The following COQ6 variants were observed in gnomAD, a reference collection of about 807,000 sequenced individuals.
COQ6 encodes the protein coenzyme Q6, monooxygenase, also known as ubiquinone biosynthesis monooxygenase COQ6, mitochondrial.
COQ6 carries 45 observed loss-of-function variants against 55.5 expected under a neutral mutation model. The observed-to-expected ratio is 0.81, with a 90% CI of 0.64 to 1.04. The LOEUF (loss-of-function observed/expected upper bound fraction) is 1.04. Ranked by LOEUF, COQ6 falls within the 50% of genes least tolerant of loss-of-function variation. COQ6 has a pLI of 0.00. For synonymous variants in COQ6, 206 were observed against 230.5 expected (o/e 0.89, Z 0.96); for missense variants, 550 against 601.3 (o/e 0.91, Z 0.89).
chr14:73,962,879 G>A (rs886524546), intron 11 of COQ6, 91 bp from the exon 12 acceptor site: 2 of 1,094,764 alleles, frequency 1.8e-6, no homozygotes, highest in African/African-American at 1.6e-5. Flanking sequence ...AAGGACACTT[G>A]GGAAGAATAC....
chr14:73,961,203 G>A lies in COQ6; in HGVS notation c.922G>A (p.Asp308Asn), dbSNP rs760972463. The change falls in exon 9 of 12, where the codon GAC becomes AAC. Residue 308 changes from aspartate to asparagine, a missense_variant. Asp to Asn is a conservative substitution (Grantham distance 23). Transcript: ENST00000334571. ...TGATGCTGACCACACGGACTTCATC[G>A]ACACAGCTGGTGCCATGCTGCAGTA... ...WSDADHTDFI[D>N]TAGAMLQYAV... 7 of 1,613,910 alleles carry A rather than the reference G, an allele frequency of 4.3e-6. No individual in the cohort carries two copies. The highest frequency in any genetic ancestry group is 2.7e-5 in the African/African-American group (2 of 75,032).
intron 11 of COQ6, 73 bp from the exon 12 acceptor site, chr14:73,962,897 A>G: frequency 1.6e-6 from 2 of 1,271,574 alleles, no homozygotes; most frequent in Non-Finnish European, 2.3e-6. Flanking sequence ...TACCTACGTG[A>G]TTATTATCTA....
In COQ6 at chr14:73,950,502, C is replaced by G. The variant is rs775716818; in HGVS notation, c.163+7C>G. 1 of 1,601,320 alleles carries G rather than the reference C, an allele frequency of 6.2e-7. No homozygotes were observed. Among genetic ancestry groups the G allele is most frequent in the South Asian group, 1.1e-5 (1 of 89,066 alleles). ...GCCATGGCCTGTGCCTTGGGTAAGC[C>G]CTTCTCCAGGCTACTAGTGGCCGGA... On this transcript the variant is annotated splice_region_variant and intron_variant, in intron 1 of 11. Coordinates refer to ENST00000334571, the MANE Select transcript of COQ6 (RefSeq NM_182476.3).
chr14:73,953,744 G>T (rs918357872), intron 2 of COQ6, 175 bp downstream of exon 2: 8 of 768,550 alleles, frequency 1.0e-5, no homozygotes, highest in Non-Finnish European at 1.8e-5. Context: ...GACCCCTGCA[G>T]TTGCTACTGC....
At chr14:73,956,054 G>C (rs567228483) in intron 4 of COQ6, 126 bp downstream of exon 4, 1 of 1,407,700 alleles carries the variant, frequency 7.1e-7, no homozygotes, top group African/African-American at 1.4e-5. Context: ...GCCGGGTGCG[G>C]TGGCTCACGC....
intron 8 of COQ6, chr14:73,960,859 T>C: frequency 2.2e-6 from 1 of 445,118 alleles, no homozygotes; most frequent in Middle Eastern, 7.1e-4. Flanking sequence ...AGGAGAGTCA[T>C]GGAGGTAGAA....
At position 73,961,184 on chromosome 14, in the gene COQ6, T is replaced by C. The variant is rs573471812; in HGVS notation, c.903T>C (p.Ala301=). 2 of 1,613,814 alleles carry C rather than the reference T, an allele frequency of 1.2e-6. No homozygotes were observed. Among genetic ancestry groups the C allele is most frequent in the Admixed American group, 3.3e-5 (2 of 59,948 alleles). Residue 301 remains alanine, a synonymous_variant, in exon 9 of 12, where the codon GCT becomes GCC. Coordinates refer to ENST00000334571, the MANE Select transcript of COQ6 (RefSeq NM_182476.3). The part of the protein sequence containing the change: ...DAVNSAFWSD[A]DHTDFIDTAG... ...CTGATGCTGCTCAGTGGAGTGATGC[T>C]GACCACACGGACTTCATCGACACAG...
At position 73,959,485 on chromosome 14, in the gene COQ6, A is replaced by G. The variant is rs746328626; in HGVS notation, c.854A>G (p.Asp285Gly). Residue 285 changes from aspartate to glycine, a missense_variant, in exon 8 of 12, where the codon GAT becomes GGT. Physicochemically the swap from Asp to Gly is moderately conservative, Grantham distance 94. Coordinates refer to ENST00000334571, the MANE Select transcript of COQ6 (RefSeq NM_182476.3). ...CATGCAGCAGAGCTAGTTAGCATGG[A>G]TGAGGAAAAATTTGTGGATGCCGTT... ...HEHAAELVSMDEEKFVDAVNS... is the reference protein window; with the variant it reads ...HEHAAELVSMGEEKFVDAVNS... 13 of 1,614,068 alleles carry G rather than the reference A, an allele frequency of 8.1e-6. No individual in the cohort carries two copies. Among genetic ancestry groups the G allele is most frequent in the Non-Finnish European group, 1.1e-5 (13 of 1,180,040 alleles).
rs774937005 is a variant in COQ6 at position 73,958,379 on chromosome 14, G to A, written c.612+102G>A. On this transcript the variant is annotated intron_variant, in intron 5 of 11. Transcript: ENST00000334571. Reference sequence around the variant, plus strand: ...GATTTAAGCTATAGTTTAATTTTAGGCAAAACTTTTGGTTATGAGGACCAG... The same window carrying A: ...GATTTAAGCTATAGTTTAATTTTAGACAAAACTTTTGGTTATGAGGACCAG... 1.3e-5 allele frequency: 20 copies of A among 1,582,890 alleles called. No individual in the cohort carries two copies. The South Asian group carries it at 2.3e-4, about 18-fold the overall frequency.
intron 7 of COQ6, 21 bp from the exon 8 acceptor site, chr14:73,959,388 GTTGGTA>G: frequency 6.2e-7 from 1 of 1,614,138 alleles, no homozygotes; most frequent in Non-Finnish European, 8.5e-7. Context: ...AGTCTTAGCC[GTTGGTA>G]TTGGTGTTCT....
chr14:73,955,347 T>C (rs2056384143), intron 2 of COQ6, 104 bp from the exon 3 acceptor site: 4 of 841,786 alleles, frequency 4.8e-6, no homozygotes, highest in East Asian at 2.4e-5. Context: ...GAGAGTATTA[T>C]TGAAGAACAC....
intron 11 of COQ6, 99 bp from the exon 12 acceptor site, chr14:73,962,871 G>A: frequency 4.9e-6 from 5 of 1,020,616 alleles, no homozygotes; most frequent in African/African-American, 1.6e-5. Flanking sequence ...AATAAAACAA[G>A]GACACTTGGG....
At position 73,958,027 on chromosome 14, in the gene COQ6, T is replaced by A. The variant is rs45550232; in HGVS notation, c.482-120T>A. On this transcript the variant is annotated intron_variant, in intron 4 of 11. Transcript: ENST00000334571. ...CCACAGCATTAATTACTGATTTTTTTAATCTTAAATGACAAGACACTGCTG... is the reference window on the plus strand; with the variant it reads ...CCACAGCATTAATTACTGATTTTTTAAATCTTAAATGACAAGACACTGCTG... 670 of 830,436 alleles carry A rather than the reference T, an allele frequency of 8.1e-4. 1 individual carries two copies. The highest frequency in any genetic ancestry group is 1.9e-3 in the Middle Eastern group (8 of 4,254). The allele number at this position is 830,436 out of a possible 1,614,324, so 51.4% of individuals were successfully genotyped here.
rs1006718610 is a variant in COQ6, at chr14:73,953,539, A to G, written c.268A>G (p.Ile90Val). The G allele has an allele frequency of 3.7e-6, 6 of 1,614,074 alleles. No homozygotes were observed. The African/African-American group carries it at 5.3e-5, about 14-fold the overall frequency. The change falls in exon 2 of 12, where the codon ATT (isoleucine) becomes GTT (valine). Residue 90 changes from isoleucine (I) to valine (V), a missense_variant. Physicochemically the swap from Ile to Val is conservative, Grantham distance 29. Coordinates refer to ENST00000334571, the MANE Select transcript of COQ6 (RefSeq NM_182476.3). ...AACTTACAGCAACAGGGTCAGCTCC[A>G]TTTCCCCTGGCTCTGCAACGCTTCT... Reference protein sequence around the residue: ...SETYSNRVSSISPGSATLLSS... With the variant: ...SETYSNRVSSVSPGSATLLSS...
In COQ6 at chr14:73,959,513, C is replaced by G; in HGVS notation, c.882C>G (p.Asn294Lys). Residue 294 changes from asparagine (N) to lysine (K), a missense_variant, in exon 8 of 12, where the codon AAC becomes AAG. By Grantham distance (94) the Asn-to-Lys change is moderately conservative. Transcript: ENST00000334571. ...MDEEKFVDAV[N>K]SAFWSDADHT... Reference sequence around the variant, plus strand: ...AGGAAAAATTTGTGGATGCCGTTAACTCTGCCTTTGTGAGTATCAATTTAC... The same window carrying G: ...AGGAAAAATTTGTGGATGCCGTTAAGTCTGCCTTTGTGAGTATCAATTTAC... The G allele has an allele frequency of 6.2e-7, 1 of 1,614,064 alleles. No individual in the cohort carries two copies. Among genetic ancestry groups the G allele is most frequent in the Non-Finnish European group, 8.5e-7 (1 of 1,180,032 alleles).
In COQ6 at chr14:73,961,566, C is replaced by T. The variant is rs1364175144; in HGVS notation, c.1206C>T (p.Asp402=). 3 of 1,614,032 alleles carry T rather than the reference C, an allele frequency of 1.9e-6. No individual in the cohort carries two copies. The highest frequency in any genetic ancestry group is 2.5e-6 in the Non-Finnish European group (3 of 1,179,946). The part of the protein sequence containing the change: ...HLSTAAFNGK[D]LGSVSHLTGY... The stretch of plus-strand genomic sequence containing the variant: ...GTACGGCAGCCTTCAATGGGAAGGA[C>T]TTAGGTAAGGATTCAGATACTATGG... Residue 402 remains aspartate, a synonymous_variant, in exon 10 of 12, where the codon GAC becomes GAT. Coordinates refer to ENST00000334571, the MANE Select transcript of COQ6 (RefSeq NM_182476.3).
chr14:73,950,273 C>A, upstream of COQ6: 1 of 1,539,416 alleles, frequency 6.5e-7, no homozygotes, highest in Non-Finnish European at 8.7e-7. Flanking sequence ...TGCTCTGCTC[C>A]GGACGCACTA....
intron 4 of COQ6, among the ~76,000 whole-genome samples, chr14:73,957,191 A>G (rs1279821226): frequency 2.6e-5 from 4 of 151,034 alleles, no homozygotes; most frequent in Middle Eastern, 3.2e-3. Flanking sequence ...TCGGCCTCCC[A>G]GGTTCACACC....
At chr14:73,952,037 A>T (rs906928620) in intron 1 of COQ6, among the ~76,000 whole-genome samples, 65 of 145,922 alleles carry the variant, frequency 4.5e-4, no homozygotes, top group Non-Finnish European at 7.7e-4. Flanking sequence ...TGCTCTACAG[A>T]GCATGTCCCT....
Sources: allele counts gnomAD v4.1 joint callset (sites outside exome capture counted in the v4.1 genomes callset), GRCh38; gene constraint gnomAD v4.1.1; transcripts MANE v1.5; gene names NCBI Gene and HGNC (gene_info 2026-07-23, HGNC 2026-07-21).